Variants in DLG2 observed in about 807,000 individuals in gnomAD.
The protein encoded by DLG2 is discs large MAGUK scaffold protein 2.
Under a neutral mutation model 132.5 loss-of-function variants are expected in DLG2, and 45 were observed. The ratio of observed to expected loss-of-function variants is 0.34; its 90% CI spans 0.27 to 0.44. The LOEUF (loss-of-function observed/expected upper bound fraction) is 0.44, where lower values mean the gene tolerates loss of function less well. Ranked by LOEUF, DLG2 falls within the 20% of genes least tolerant of loss-of-function variation. The pLI is 1.00. For missense variants in DLG2, 1,045 were observed against 1,196.9 expected, an observed-to-expected ratio of 0.87 and a Z score of 1.87; for synonymous variants, 424 against 419.6, an observed-to-expected ratio of 1.01 and a Z score of -0.13.
At chr11:83,693,309 T>C (rs1234222415) in intron 18 of DLG2, among the ~76,000 whole-genome samples, 1 of 152,076 alleles carries the variant, frequency 6.6e-6, no homozygotes, top group Non-Finnish European at 1.5e-5. Flanking sequence ...TTTAGTACTG[T>C]TGAATAGTCA....
intron 6 of DLG2, among the ~76,000 whole-genome samples, chr11:85,005,284 G>C (rs1435992224): frequency 2.0e-5 from 3 of 152,150 alleles, no homozygotes; most frequent in African/African-American, 7.2e-5. Flanking sequence ...ATAGCTTGAT[G>C]GGGATAGCAT....
In DLG2 at chr11:85,265,458, G is replaced by A. The variant is rs189178105; in HGVS notation, c.186+19762C>T. 6.6e-5 allele frequency among the ~76,000 whole-genome samples: 10 copies of A among 152,258 alleles called. No individual in the cohort carries two copies. The East Asian group carries it at 1.9e-3, about 29-fold the overall frequency. On this transcript the variant is annotated intron_variant, in intron 4 of 27. Transcript: ENST00000376104. ...CAGAATTCCTACTTTAGCCCCATTTGGCTCCAAGGCCTATGCTCCTTCCAT... is the reference window on the plus strand; with the variant it reads ...CAGAATTCCTACTTTAGCCCCATTTAGCTCCAAGGCCTATGCTCCTTCCAT...
At chr11:84,280,071 A>G (rs2097837187) in intron 7 of DLG2, among the ~76,000 whole-genome samples, 1 of 152,196 alleles carries the variant, frequency 6.6e-6, no homozygotes, top group South Asian at 2.1e-4. Flanking sequence ...TTGGAAACAA[A>G]GAAATAAAGA....
chr11:85,486,203 G>C (rs2093425378), intron 3 of DLG2, among the ~76,000 whole-genome samples: 1 of 151,992 alleles, frequency 6.6e-6, no homozygotes, highest in Non-Finnish European at 1.5e-5. Context: ...GGAAAGAGGA[G>C]ACCAGGCACT....
chr11:84,201,230 T>C (rs187091242), intron 8 of DLG2, among the ~76,000 whole-genome samples: 21 of 152,348 alleles, frequency 1.4e-4, no homozygotes, highest in African/African-American at 4.8e-4. Context: ...TTGTTCTGTT[T>C]ATGTGATGAA....
At chr11:85,053,269 A>G (rs1005979726) in intron 6 of DLG2, among the ~76,000 whole-genome samples, 1 of 152,148 alleles carries the variant, frequency 6.6e-6, no homozygotes, top group Non-Finnish European at 1.5e-5. Flanking sequence ...TTTAGGAGGA[A>G]AAAAACACTA....
At chr11:83,511,550 G>A (rs192997716) in intron 21 of DLG2, among the ~76,000 whole-genome samples, 68 of 152,156 alleles carry the variant, frequency 4.5e-4, no homozygotes, top group Non-Finnish European at 7.4e-5. Context: ...ATGGAACCAC[G>A]CATGAAAGGG....
In DLG2 at chr11:85,216,884, C is replaced by T. The variant is rs1034512294; in HGVS notation, c.187-62233G>A. Among the ~76,000 whole-genome samples, 5 of 151,918 alleles carry T rather than the reference C, an allele frequency of 3.3e-5. No homozygotes were observed. The South Asian group carries it at 8.3e-4, about 25-fold the overall frequency. Reference sequence around the variant, plus strand: ...CTAATTTTTGTGTTTTTATTAGAGACGGGGTTTCACTATCTTGGCCAGGCT... The same window carrying T: ...CTAATTTTTGTGTTTTTATTAGAGATGGGGTTTCACTATCTTGGCCAGGCT... On this transcript the variant is annotated intron_variant, in intron 4 of 27. Coordinates refer to ENST00000376104, the MANE Select transcript of DLG2 (RefSeq NM_001142699.3).
intron 11 of DLG2, among the ~76,000 whole-genome samples, chr11:84,042,703 A>G (rs2096123220): frequency 6.6e-6 from 1 of 151,900 alleles, no homozygotes; most frequent in Admixed American, 6.6e-5. Flanking sequence ...CTATGCAACC[A>G]TAAAAAGGAA....
intron 11 of DLG2, among the ~76,000 whole-genome samples, chr11:83,993,346 T>C (rs1380423602): frequency 6.6e-6 from 1 of 152,174 alleles, no homozygotes; most frequent in East Asian, 1.9e-4. Context: ...AAGATATGTA[T>C]GCTTTAGTTG....
chr11:83,904,711 A>G (rs1215147411), intron 15 of DLG2, among the ~76,000 whole-genome samples: 1 of 151,786 alleles, frequency 6.6e-6, no homozygotes, highest in Non-Finnish European at 1.5e-5. Context: ...TCTCCATAGT[A>G]AAGACCAGGC....
At chr11:85,102,624 G>A (rs1374329638) in intron 6 of DLG2, among the ~76,000 whole-genome samples, 2 of 151,884 alleles carry the variant, frequency 1.3e-5, no homozygotes, top group Non-Finnish European at 2.9e-5. Context: ...TAGTAATTAA[G>A]GGAACTTCCT....
intron 7 of DLG2, among the ~76,000 whole-genome samples, chr11:84,382,104 G>A (rs957009851): frequency 6.6e-6 from 1 of 152,170 alleles, no homozygotes; most frequent in Admixed American, 6.5e-5. Flanking sequence ...GCTAGAAGCA[G>A]TCCTGACATG....
Position 84,099,001 on chromosome 11 carries a change from G to C in DLG2, c.671C>G (p.Pro224Arg). 1 of 1,612,816 alleles carries C rather than the reference G, an allele frequency of 6.2e-7. No homozygotes were observed. The highest frequency in any genetic ancestry group is 8.5e-7 in the Non-Finnish European group (1 of 1,179,104). Reference sequence around the variant, plus strand: ...TATGCCAGGGTCATCTCCAATGTGGGGATTATCTGTCCCCCCAGCAATACT... The same window carrying C: ...TATGCCAGGGTCATCTCCAATGTGGCGATTATCTGTCCCCCCAGCAATACT... The part of the protein sequence containing the change: ...GFSIAGGTDN[P>R]HIGDDPGIFI... The change falls in exon 10 of 28, where the codon CCC (proline) becomes CGC (arginine). Residue 224 changes from proline to arginine, a missense_variant. Pro to Arg is a moderately radical substitution (Grantham distance 103). Around this residue, in one of 4 missense-constraint regions of DLG2, gnomAD observed 109 missense variants for 159.1 expected, o/e 0.69. Transcript: ENST00000376104.
intron 4 of DLG2, among the ~76,000 whole-genome samples, chr11:85,201,086 G>A (rs1043731637): frequency 1.3e-5 from 2 of 151,996 alleles, no homozygotes; most frequent in African/African-American, 4.8e-5. Context: ...TGCAGTTGAG[G>A]AACTATCTAA....
At chr11:83,962,064 C>G (rs2088950572) in intron 14 of DLG2, among the ~76,000 whole-genome samples, 1 of 152,002 alleles carries the variant, frequency 6.6e-6, no homozygotes, top group African/African-American at 2.4e-5. Context: ...AAAGTCTCTA[C>G]TTTTTGAAAG....
chr11:84,293,421 C>T (rs1325976128), intron 7 of DLG2, among the ~76,000 whole-genome samples: 1 of 152,102 alleles, frequency 6.6e-6, no homozygotes, highest in African/African-American at 2.4e-5. Flanking sequence ...CGCCTGTAAT[C>T]CCAGCACTTT....
chr11:83,628,513 T>C (rs2063008180), intron 19 of DLG2, among the ~76,000 whole-genome samples: 1 of 152,146 alleles, frequency 6.6e-6, no homozygotes, highest in Non-Finnish European at 1.5e-5. Context: ...CTTCTCCGAG[T>C]TTCAGTTTCT....
At chr11:84,202,270 A>T (rs2096605856) in intron 8 of DLG2, among the ~76,000 whole-genome samples, 1 of 152,168 alleles carries the variant, frequency 6.6e-6, no homozygotes, top group Non-Finnish European at 1.5e-5. Flanking sequence ...AAGGACAGAC[A>T]CATAGACCAA....
Sources: allele counts gnomAD v4.1 joint callset (sites outside exome capture counted in the v4.1 genomes callset), GRCh38; gene constraint gnomAD v4.1.1; regional missense constraint gnomAD v4.1.1; transcripts MANE v1.5; gene names NCBI Gene and HGNC (gene_info 2026-07-23, HGNC 2026-07-21).